UNC79: variants seen among roughly 807,000 people sequenced by gnomAD.
UNC79 encodes the protein protein unc-79 homolog.
Under a neutral mutation model 283.1 loss-of-function variants are expected in UNC79, and 37 were observed. The observed-to-expected ratio is 0.13, with a 90% CI of 0.10 to 0.17. The LOEUF (loss-of-function observed/expected upper bound fraction) is 0.17, where lower values mean the gene tolerates loss of function less well. UNC79 is among the 10% of genes least tolerant of loss of function. UNC79 has a pLI of 1.00. For synonymous variants in UNC79, 1,107 were observed against 1,200.2 expected (o/e 0.92, Z 1.61); for missense variants, 2,272 against 3,211.1 (o/e 0.71, Z 7.07).
At chr14:93,361,042 C>T (rs147465459) in intron 1 of UNC79, among the ~76,000 whole-genome samples, 7 of 151,466 alleles carry the variant, frequency 4.6e-5, no homozygotes, top group Non-Finnish European at 8.8e-5. Context: ...GGTGAAACCC[C>T]GTCTCTACTA....
At position 93,523,965 on chromosome 14, in the gene UNC79, C is replaced by T; in HGVS notation, c.899-13C>T. ...CAATGAGAAGTATTCATCAGCTGTG[C>T]TTTACTTTACAGCTTGGAATCCCAT... On this transcript the variant is annotated splice_polypyrimidine_tract_variant and intron_variant, in intron 7 of 48. Transcript: ENST00000555664. 3 of 1,613,502 alleles carry T rather than the reference C, an allele frequency of 1.9e-6. No individual in the cohort carries two copies. Among genetic ancestry groups the T allele is most frequent in the Non-Finnish European group, 2.5e-6 (3 of 1,179,514 alleles).
chr14:93,594,050 T>A (rs2064878553), intron 23 of UNC79, among the ~76,000 whole-genome samples: 1 of 152,124 alleles, frequency 6.6e-6, no homozygotes, highest in Non-Finnish European at 1.5e-5. Flanking sequence ...CTGTCCAGGT[T>A]TGCATAGGAC....
chr14:93,334,409 C>T (rs779975594), intron 1 of UNC79: 1 of 152,230 alleles, frequency 6.6e-6, no homozygotes, highest in African/African-American at 2.4e-5. Flanking sequence ...TCCCCTCTAG[C>T]TGGTAAGGGT....
intron 7 of UNC79, among the ~76,000 whole-genome samples, chr14:93,514,408 A>T (rs755206627): frequency 4.6e-5 from 7 of 152,158 alleles, no homozygotes; most frequent in Non-Finnish European, 8.8e-5. Flanking sequence ...TGAATTTCTG[A>T]TGTGTTCACT....
At chr14:93,580,167 G>A (rs754433560) in exon 19 of UNC79, 10 of 1,612,978 alleles carry the variant, frequency 6.2e-6, no homozygotes, top group East Asian at 2.2e-5. Context: ...ACAAGATGAT[G>A]GAATCACGAT....
rs2056973406 is a variant in UNC79, at chr14:93,461,904, A to G, written c.23-5767A>G. Among the ~76,000 whole-genome samples the G allele has an allele frequency of 2.6e-5, 4 of 151,872 alleles. No individual in the cohort carries two copies. The East Asian group carries it at 7.7e-4, about 29-fold the overall frequency. On this transcript the variant is annotated intron_variant, in intron 1 of 48. Transcript: ENST00000555664. ...AAGTATGAGTAGGAGTTAGTCTCAC[A>G]AAGTGTGGAGGGAAAGCACTCTATG...
At chr14:93,411,303 T>C (rs1250291620) in intron 1 of UNC79, among the ~76,000 whole-genome samples, 3 of 152,186 alleles carry the variant, frequency 2.0e-5, no homozygotes, top group African/African-American at 4.8e-5. Flanking sequence ...GCTAGATTTC[T>C]AAGGTTTTTG....
At position 93,617,115 on chromosome 14, in the gene UNC79, A is replaced by T; in HGVS notation, c.4042-7A>T. 6.3e-7 allele frequency: 1 copy of T among 1,595,536 alleles called. No homozygotes were observed. Among genetic ancestry groups the T allele is most frequent in the South Asian group, 1.1e-5 (1 of 87,852 alleles). ...TCCATCAGTTATTAATATTTTTTCT[A>T]TTTCAGGTTATGGACTATAACATTA... On this transcript the variant is annotated splice_polypyrimidine_tract_variant and splice_region_variant and intron_variant, in intron 27 of 48. Transcript: ENST00000555664. This position sits in a 1 kb window ranked among gnomAD's most constrained non-coding sequence, Gnocchi z 4.5.
chr14:93,617,317 G>A lies in UNC79; in HGVS notation c.4224+13G>A. On this transcript the variant is annotated intron_variant, in intron 28 of 48. Coordinates refer to ENST00000555664, the Ensembl canonical transcript of UNC79. The surrounding 1 kb of genome is among the most constrained non-coding windows in gnomAD (Gnocchi z 4.5). ...CATCCTTTACAAGGTGAGCTGGGTGGTCACTGCTGTTTTGGATGCAATGGT... is the reference window on the plus strand; with the variant it reads ...CATCCTTTACAAGGTGAGCTGGGTGATCACTGCTGTTTTGGATGCAATGGT... 1 of 1,613,302 alleles carries A rather than the reference G, an allele frequency of 6.2e-7. No individual in the cohort carries two copies. The highest frequency in any genetic ancestry group is 8.5e-7 in the Non-Finnish European group (1 of 1,179,554).
chr14:93,518,372 A>G (rs750389397), intron 7 of UNC79, among the ~76,000 whole-genome samples: 2 of 151,884 alleles, frequency 1.3e-5, no homozygotes, highest in African/African-American at 2.4e-5. Flanking sequence ...CAAATTTATT[A>G]GCATGTCTGT....
At chr14:93,525,449 G>GA (rs1413311150) in intron 8 of UNC79, among the ~76,000 whole-genome samples, 9 of 146,844 alleles carry the variant, frequency 6.1e-5, no homozygotes, top group East Asian at 3.9e-4. Context: ...ACTCCATCTC[G>GA]AAAAAAAAAA....
intron 26 of UNC79, among the ~76,000 whole-genome samples, chr14:93,611,678 A>G (rs2066318474): frequency 2.0e-5 from 3 of 152,200 alleles, no homozygotes; most frequent in Admixed American, 2.0e-4. Context: ...ATACCGTAAT[A>G]ATAATGGGTG....
chr14:93,610,314 A>G (rs558085663), intron 26 of UNC79, among the ~76,000 whole-genome samples: 49 of 152,316 alleles, frequency 3.2e-4, no homozygotes, highest in African/African-American at 1.2e-3. Context: ...TACACTCTTC[A>G]GTTCCAATTT....
chr14:93,351,605 C>A (rs2053981169), intron 1 of UNC79, among the ~76,000 whole-genome samples: 1 of 152,050 alleles, frequency 6.6e-6, no homozygotes, highest in Non-Finnish European at 1.5e-5. Context: ...TTTTACATTT[C>A]TATCTCAAAA....
rs530660254 is a variant in UNC79 at position 93,420,195 on chromosome 14, C to T, written c.-350-47476C>T. On this transcript the variant is annotated intron_variant, in intron 1 of 49. Transcript: ENST00000256339. ...TGAACAGATAAAAAAAAAAAAAAGACCCAATGATCTGTTGTCTACAAGAAA... is the reference window on the plus strand; with the variant it reads ...TGAACAGATAAAAAAAAAAAAAAGATCCAATGATCTGTTGTCTACAAGAAA... Among the ~76,000 whole-genome samples the T allele has an allele frequency of 1.0e-4, 15 of 147,930 alleles. 1 individual carries two copies. The South Asian group carries it at 2.6e-3, about 26-fold the overall frequency.
chr14:93,604,048 G>C (rs1161654012), intron 26 of UNC79, among the ~76,000 whole-genome samples: 2 of 152,016 alleles, frequency 1.3e-5, no homozygotes, highest in Non-Finnish European at 2.9e-5. Context: ...TAGTTTTAAA[G>C]AGAATAAAAT....
chr14:93,540,634 C>A (rs1463795927), intron 12 of UNC79, 26 bp from the exon 13 acceptor site: 1 of 1,605,650 alleles, frequency 6.2e-7, no homozygotes, highest in Non-Finnish European at 8.5e-7. Context: ...CACAGTCTAA[C>A]TTGAAATCAC....
intron 4 of UNC79, among the ~76,000 whole-genome samples, 166 bp from the exon 5 acceptor site, chr14:93,487,497 T>A (rs569379070): frequency 1.7e-4 from 26 of 152,310 alleles, no homozygotes; most frequent in Admixed American, 1.7e-3. Flanking sequence ...ACTGTAGCAT[T>A]TGTATGCCAG....
chr14:93,527,070 G>A (rs1360041568), intron 8 of UNC79, among the ~76,000 whole-genome samples: 5 of 152,204 alleles, frequency 3.3e-5, no homozygotes, highest in Admixed American at 1.3e-4. Flanking sequence ...AAAGCCAAGA[G>A]TTGTAATAGG....
Sources: allele counts gnomAD v4.1 joint callset (sites outside exome capture counted in the v4.1 genomes callset), GRCh38; gene constraint gnomAD v4.1.1; non-coding constraint Gnocchi (gnomAD v3.1); transcripts MANE v1.5; gene names NCBI Gene and HGNC (gene_info 2026-07-23, HGNC 2026-07-21).